The following SPON1 variants were observed in gnomAD, a reference collection of about 807,000 sequenced individuals.
SPON1 encodes the protein spondin-1.
A neutral mutation model predicts 111.7 loss-of-function variants in SPON1; 52 were observed. That is an observed-to-expected ratio of 0.47 (90% confidence interval 0.37 to 0.59). The LOEUF (loss-of-function observed/expected upper bound fraction) is 0.59. Ranked by LOEUF, SPON1 falls within the 20% of genes least tolerant of loss-of-function variation. The pLI is 0.00. For synonymous variants in SPON1, 410 were observed against 395.8 expected, an observed-to-expected ratio of 1.04 and a Z score of -0.43; for missense variants, 957 against 1,068.5, an observed-to-expected ratio of 0.90 and a Z score of 1.46.
intron 6 of SPON1, among the ~76,000 whole-genome samples, chr11:14,179,250 C>T (rs1262990123): frequency 1.3e-5 from 2 of 152,110 alleles, no homozygotes; most frequent in African/African-American, 2.4e-5. Flanking sequence ...ATCCATTGAG[C>T]GGGTTAAGAT....
chr11:14,041,598 C>T lies in SPON1; in HGVS notation c.423C>T (p.Thr141=). The stretch of plus-strand genomic sequence containing the variant: ...CTGAAAGCACTCCACGGAGGAGGAC[C>T]CGGATCCAGGTGTTTTGGATAGCAC... ...AVTESTPRRR[T]RIQVFWIAPP... Residue 141 remains threonine, a synonymous_variant, in exon 3 of 16, where the codon ACC becomes ACT. Transcript: ENST00000576479. The T allele has an allele frequency of 6.2e-7, 1 of 1,613,902 alleles. No homozygotes were observed. The highest frequency in any genetic ancestry group is 1.3e-5 in the African/African-American group (1 of 75,018).
intron 6 of SPON1, among the ~76,000 whole-genome samples, chr11:14,216,427 G>A (rs1190151473): frequency 6.6e-6 from 1 of 152,166 alleles, no homozygotes; most frequent in Non-Finnish European, 1.5e-5. Flanking sequence ...ATCTCTCACT[G>A]GATGGTAATG....
chr11:14,200,754 G>A (rs12385804), intron 6 of SPON1, among the ~76,000 whole-genome samples: 1,937 of 144,918 alleles, frequency 0.013, 44 homozygotes, highest in African/African-American at 0.047. Flanking sequence ...GGTGGAGGTT[G>A]CAGTGAGCCA....
At chr11:14,127,953 A>G (rs113004349) in intron 5 of SPON1, among the ~76,000 whole-genome samples, 3,713 of 152,312 alleles carry the variant, frequency 0.024, 155 homozygotes, top group African/African-American at 0.084. Flanking sequence ...CATATATAAT[A>G]AGAACTCACT....
rs1420300838 is a variant in SPON1 at position 13,962,840 on chromosome 11, C to T, written c.-65C>T. 7.3e-7 allele frequency: 1 copy of T among 1,363,684 alleles called. No homozygotes were observed. The highest frequency in any genetic ancestry group is 9.5e-7 in the Non-Finnish European group (1 of 1,052,762). The allele number at this position is 1,363,684 out of a possible 1,614,324, so 84.5% of individuals were successfully genotyped here. On this transcript the variant is annotated 5_prime_UTR_variant, in exon 1 of 16. Transcript: ENST00000576479. ...CCGCCAGGTCGCGCCTTCGTCGGGA[C>T]CACTTCGGGCAGGAGTCGCGTGGCG...
chr11:14,016,764 A>C (rs782532582), intron 2 of SPON1, among the ~76,000 whole-genome samples: 2 of 152,248 alleles, frequency 1.3e-5, no homozygotes, highest in African/African-American at 2.4e-5. Context: ...AAAGTCAAGA[A>C]GCTGGCTGTT....
intron 6 of SPON1, among the ~76,000 whole-genome samples, chr11:14,164,125 A>G (rs573401047): frequency 5.9e-5 from 9 of 152,342 alleles, no homozygotes; most frequent in African/African-American, 2.2e-4. Flanking sequence ...AAAGAGCCAC[A>G]GCTTCAGCCA....
intron 6 of SPON1, among the ~76,000 whole-genome samples, chr11:14,222,645 T>C (rs1554937687): frequency 6.6e-6 from 1 of 152,204 alleles, no homozygotes; most frequent in Admixed American, 6.5e-5. Context: ...CCCTCATCTG[T>C]ATGTATACCA....
chr11:14,182,205 C>T (rs1350193677), intron 6 of SPON1, among the ~76,000 whole-genome samples: 2 of 152,180 alleles, frequency 1.3e-5, no homozygotes, highest in Non-Finnish European at 2.9e-5. Context: ...TGTTTCCATA[C>T]ACTATTGTTC....
intron 2 of SPON1, among the ~76,000 whole-genome samples, chr11:14,011,664 C>T (rs1554913764): frequency 6.6e-6 from 1 of 152,124 alleles, no homozygotes; most frequent in Admixed American, 6.5e-5. Context: ...GCAACTAGCT[C>T]ACATTTCCCC....
Position 14,259,120 on chromosome 11 carries a change from G to C in SPON1, c.1493-160G>C, listed in dbSNP as rs1397434966. On this transcript the variant is annotated intron_variant, in intron 11 of 15. Transcript: ENST00000576479. This position sits in a 1 kb window ranked among gnomAD's most constrained non-coding sequence, Gnocchi z 5.0. ...CCTGGAAAAGAGGCATTTCCTCTTAGAGAACTTTGCCAGTTTAAGGATTTA... is the reference window on the plus strand; with the variant it reads ...CCTGGAAAAGAGGCATTTCCTCTTACAGAACTTTGCCAGTTTAAGGATTTA... Among the ~76,000 whole-genome samples the C allele has an allele frequency of 2.6e-5, 4 of 152,224 alleles. No homozygotes were observed. Among genetic ancestry groups the C allele is most frequent in the Non-Finnish European group, 5.9e-5 (4 of 68,040 alleles).
In SPON1 at chr11:14,087,422, C is replaced by T. The variant is rs1554922770; in HGVS notation, c.676+7401C>T. 2.0e-5 allele frequency among the ~76,000 whole-genome samples: 3 copies of T among 152,298 alleles called. No homozygotes were observed. The East Asian group carries it at 5.8e-4, about 29-fold the overall frequency. On this transcript the variant is annotated intron_variant, in intron 5 of 15. Transcript: ENST00000576479. Reference sequence around the variant, plus strand: ...TATTTACCCCATAGTCATCCAGGAGCAGGTTGTTCAATTTCCATGTAGTTG... The same window carrying T: ...TATTTACCCCATAGTCATCCAGGAGTAGGTTGTTCAATTTCCATGTAGTTG...
At chr11:14,240,744 T>G (rs1331462644) in intron 6 of SPON1, among the ~76,000 whole-genome samples, 5 of 152,160 alleles carry the variant, frequency 3.3e-5, no homozygotes, top group Non-Finnish European at 5.9e-5. Context: ...GGCAGCCACC[T>G]TCACTCCACC....
At chr11:14,251,974 C>T (rs539607675) in intron 7 of SPON1, among the ~76,000 whole-genome samples, 74 of 152,320 alleles carry the variant, frequency 4.9e-4, no homozygotes, top group Admixed American at 1.4e-3. Context: ...TTTATAAAGA[C>T]TTCCTAATAA....
At chr11:14,083,171 A>T (rs1554922229) in intron 5 of SPON1, among the ~76,000 whole-genome samples, 1 of 152,248 alleles carries the variant, frequency 6.6e-6, no homozygotes, top group East Asian at 1.9e-4. Flanking sequence ...TTCAAAACAA[A>T]AGAAATGTGA....
intron 3 of SPON1, among the ~76,000 whole-genome samples, chr11:14,043,397 A>C (rs1179598923): frequency 6.6e-6 from 1 of 152,144 alleles, no homozygotes; most frequent in Non-Finnish European, 1.5e-5. Flanking sequence ...GGAGGTGGTG[A>C]GGGCAAAAAA....
intron 5 of SPON1, among the ~76,000 whole-genome samples, chr11:14,084,803 A>G (rs2133834758): frequency 6.6e-6 from 1 of 152,292 alleles, no homozygotes; most frequent in Admixed American, 6.5e-5. Context: ...CATCCTCTCC[A>G]GCACCTGTTG....
chr11:14,046,048 A>C (rs782176772), intron 3 of SPON1, among the ~76,000 whole-genome samples: 2 of 152,236 alleles, frequency 1.3e-5, no homozygotes, highest in Non-Finnish European at 2.9e-5. Context: ...TACCACAGAA[A>C]ATAGATGGCA....
At chr11:14,043,127 A>G (rs1056736280) in intron 3 of SPON1, among the ~76,000 whole-genome samples, 1 of 152,192 alleles carries the variant, frequency 6.6e-6, no homozygotes, top group East Asian at 1.9e-4. Flanking sequence ...ATGAACAAAG[A>G]CCCCTGAAAT....
Sources: gnomAD v4.1 joint callset for allele counts (sites outside exome capture counted in the v4.1 genomes callset) on GRCh38, gnomAD v4.1.1 for gene constraint, Gnocchi (gnomAD v3.1) non-coding constraint, MANE v1.5 for transcripts, NCBI Gene and HGNC (gene_info 2026-07-23, HGNC 2026-07-21) for gene names.